The following LIMS1 variants were observed in gnomAD, a reference collection of about 807,000 sequenced individuals.
The protein encoded by LIMS1 is LIM and senescent cell antigen-like-containing domain protein 1.
In LIMS1, 18 loss-of-function variants were observed where a neutral mutation model predicts 44.1. The ratio of observed to expected loss-of-function variants is 0.41; its 90% CI spans 0.28 to 0.61. The LOEUF is 0.61. Among genes scored for constraint, LIMS1 ranks in the 20% least tolerant of loss-of-function variants. LIMS1 has a pLI of 0.32. For synonymous variants in LIMS1, 93 were observed against 149.1 expected (o/e 0.62, Z 2.74); for missense variants, 201 against 422.0 (o/e 0.48, Z 4.59).
intron 1 of LIMS1, among the ~76,000 whole-genome samples, chr2:108,548,420 C>T (rs962800947): frequency 1.3e-5 from 2 of 151,932 alleles, no homozygotes; most frequent in Non-Finnish European, 2.9e-5. Flanking sequence ...CTTTATACTT[C>T]GTAATGGAAT....
At chr2:108,679,094 A>C (rs1692767772) in intron 8 of LIMS1, among the ~76,000 whole-genome samples, 1 of 152,196 alleles carries the variant, frequency 6.6e-6, no homozygotes, top group East Asian at 1.9e-4. Flanking sequence ...AAAAATAACA[A>C]TATAACAGTA....
intron 1 of LIMS1, among the ~76,000 whole-genome samples, chr2:108,544,134 T>C (rs911587979): frequency 6.6e-6 from 1 of 152,220 alleles, no homozygotes; most frequent in Non-Finnish European, 1.5e-5. Context: ...TTAGTAGTTA[T>C]TATAGATTAG....
In LIMS1 at chr2:108,607,081, C is replaced by T. The variant is rs555049444; in HGVS notation, c.33-52524C>T. ...AGCCTTTGGAGAGATGATTAGGTCACGAGAACAGAGCTTTCATGAATGAGA... is the reference window on the plus strand; with the variant it reads ...AGCCTTTGGAGAGATGATTAGGTCATGAGAACAGAGCTTTCATGAATGAGA... On this transcript the variant is annotated intron_variant, in intron 1 of 9. Transcript: ENST00000544547. 24 of 706,526 alleles carry T rather than the reference C, an allele frequency of 3.4e-5. No homozygotes were observed. The African/African-American group carries it at 3.7e-4, about 11-fold the overall frequency. 43.8% of individuals were successfully genotyped at this position (706,526 alleles called of 1,614,324 possible). A position where few individuals can be genotyped will look rare whatever the true frequency, so the allele number is the denominator to read the frequency against.
chr2:108,583,512 A>G (rs1685968422), intron 1 of LIMS1, among the ~76,000 whole-genome samples: 1 of 152,144 alleles, frequency 6.6e-6, no homozygotes, highest in Non-Finnish European at 1.5e-5. Flanking sequence ...AAAGGTGGAG[A>G]CACTGATTAG....
At chr2:108,673,510 C>T in intron 5 of LIMS1, 1 of 189,290 alleles carries the variant, frequency 5.3e-6, no homozygotes, top group South Asian at 8.8e-5. Context: ...CTTCAGCCTC[C>T]AGAGTAGCTG....
At chr2:108,588,008 T>A (rs1476316375) in intron 1 of LIMS1, among the ~76,000 whole-genome samples, 2 of 152,214 alleles carry the variant, frequency 1.3e-5, no homozygotes, top group Non-Finnish European at 2.9e-5. Flanking sequence ...CATGTAGTTA[T>A]TATAGAGATC....
chr2:108,578,993 C>T (rs1207272328), intron 1 of LIMS1, among the ~76,000 whole-genome samples: 5 of 152,106 alleles, frequency 3.3e-5, no homozygotes, highest in Admixed American at 3.3e-4. Context: ...TCTTAAATTT[C>T]AGGTTAGCAT....
At chr2:108,636,772 C>T (rs1351110077) in intron 1 of LIMS1, among the ~76,000 whole-genome samples, 1 of 152,040 alleles carries the variant, frequency 6.6e-6, no homozygotes, top group African/African-American at 2.4e-5. Context: ...TTTCAAAAAC[C>T]ATAGCTTCAT....
intron 1 of LIMS1, among the ~76,000 whole-genome samples, chr2:108,622,799 G>A (rs1429546304): frequency 6.6e-6 from 1 of 152,004 alleles, no homozygotes; most frequent in African/African-American, 2.4e-5. Context: ...TTTAATTTCA[G>A]ATTTCGGGGT....
At chr2:108,562,059 T>C (rs1277178903) in intron 1 of LIMS1, among the ~76,000 whole-genome samples, 1 of 152,172 alleles carries the variant, frequency 6.6e-6, no homozygotes, top group African/African-American at 2.4e-5. Context: ...AGCAGTCTTT[T>C]ATGTTACCAT....
rs771325535 is a variant in LIMS1 at position 108,611,854 on chromosome 2, T to TATATAC, written c.33-47750_33-47749insTATACA. ...GATCTAAAATATATATATATATATATACACACATATATATACACATATATA... is the reference window on the plus strand; with the variant it reads ...GATCTAAAATATATATATATATATATATATACACACACATATATATACACATATATA... On this transcript the variant is annotated intron_variant, in intron 1 of 9. Transcript: ENST00000544547. 5.6e-4 allele frequency among the ~76,000 whole-genome samples: 70 copies of TATATAC among 125,238 alleles called. 1 individual carries two copies. The highest frequency in any genetic ancestry group is 4.1e-3 in the South Asian group (16 of 3,904). 82.2% of individuals were successfully genotyped at this position (125,238 alleles called of 152,430 possible).
intron 1 of LIMS1, among the ~76,000 whole-genome samples, chr2:108,577,970 C>G (rs1025780960): frequency 1.3e-5 from 2 of 152,194 alleles, no homozygotes; most frequent in Non-Finnish European, 2.9e-5. Flanking sequence ...AGTGCAGTGG[C>G]ACAGTCTCGG....
intron 1 of LIMS1, among the ~76,000 whole-genome samples, chr2:108,576,942 C>T (rs1243362595): frequency 6.6e-6 from 1 of 152,162 alleles, no homozygotes; most frequent in Non-Finnish European, 1.5e-5. Context: ...GAGTTTCTGG[C>T]CATCCCAAAC....
chr2:108,560,567 G>A lies in LIMS1; in HGVS notation c.32+25973G>A, dbSNP rs549724906. Among the ~76,000 whole-genome samples the A allele has an allele frequency of 2.4e-4, 36 of 151,942 alleles. No homozygotes were observed. In the South Asian group the frequency reaches 6.4e-3, roughly 27 times the overall value. ...CTTCACCTCCTCTGGGAGGTCCTCC[G>A]TAACTGTCCTATCAAAAATTGCCCT... On this transcript the variant is annotated intron_variant, in intron 1 of 9. Coordinates refer to ENST00000544547, the Ensembl canonical transcript of LIMS1.
intron 1 of LIMS1, among the ~76,000 whole-genome samples, chr2:108,603,755 GATTTT>G (rs1687135120): frequency 6.6e-6 from 1 of 151,646 alleles, no homozygotes; most frequent in Non-Finnish European, 1.5e-5. Flanking sequence ...TTTAATCTCT[GATTTT>G]ATTTATTTAG....
chr2:108,603,204 A>T (rs1421615472), intron 1 of LIMS1, among the ~76,000 whole-genome samples: 5 of 152,120 alleles, frequency 3.3e-5, no homozygotes, highest in African/African-American at 4.8e-5. Context: ...TTTCAGTAGG[A>T]TTAGTAGTAG....
At chr2:108,574,826 TGGTGAA>T (rs912201079) in intron 1 of LIMS1, among the ~76,000 whole-genome samples, 2 of 152,196 alleles carry the variant, frequency 1.3e-5, no homozygotes, top group African/African-American at 2.4e-5. Context: ...TACGTTTTTT[TGGTGAA>T]GGAAGCTTTT....
intron 1 of LIMS1, among the ~76,000 whole-genome samples, chr2:108,611,309 C>T (rs143292712): frequency 1.2e-4 from 19 of 152,204 alleles, no homozygotes; most frequent in South Asian, 6.2e-4. Context: ...CAGTTCTGGG[C>T]GCATAAGAAG....
chr2:108,633,109 G>A (rs1689023070), intron 1 of LIMS1, among the ~76,000 whole-genome samples: 1 of 152,176 alleles, frequency 6.6e-6, no homozygotes, highest in Non-Finnish European at 1.5e-5. Context: ...GGAAGATTTG[G>A]TTTTGCCTTT....
Sources: allele counts gnomAD v4.1 joint callset (sites outside exome capture counted in the v4.1 genomes callset), GRCh38; gene constraint gnomAD v4.1.1; transcripts MANE v1.5; gene names NCBI Gene and HGNC (gene_info 2026-07-23, HGNC 2026-07-21).